The following ZEB1 variants were observed in gnomAD, a reference collection of about 807,000 sequenced individuals.
ZEB1 encodes zinc finger E-box-binding homeobox 1.
ZEB1 carries 21 observed loss-of-function variants against 84.9 expected under a neutral mutation model. The ratio of observed to expected loss-of-function variants is 0.25; its 90% CI spans 0.18 to 0.36. The LOEUF is 0.36. Among genes scored for constraint, ZEB1 ranks in the 10% least tolerant of loss-of-function variants. The pLI, the probability that ZEB1 is intolerant of heterozygous loss-of-function variation, is 1.00. For synonymous variants in ZEB1, 420 were observed against 471.1 expected, an observed-to-expected ratio of 0.89 and a Z score of 1.41; for missense variants, 1,104 against 1,330.2, an observed-to-expected ratio of 0.83 and a Z score of 2.65.
chr10:31,344,559 T>C (rs1348054997), intron 1 of ZEB1, among the ~76,000 whole-genome samples: 2 of 152,140 alleles, frequency 1.3e-5, no homozygotes, highest in South Asian at 2.1e-4. Flanking sequence ...CAGAAACTAT[T>C]GTATCCTTAC....
chr10:31,497,060 T>C (rs1159434479), intron 3 of ZEB1, among the ~76,000 whole-genome samples: 1 of 152,138 alleles, frequency 6.6e-6, no homozygotes, highest in Non-Finnish European at 1.5e-5. Flanking sequence ...GAATAATGTA[T>C]TCAGATATGC....
chr10:31,416,574 C>G (rs938588430), intron 1 of ZEB1, among the ~76,000 whole-genome samples: 2 of 152,050 alleles, frequency 1.3e-5, no homozygotes, highest in African/African-American at 2.4e-5. Flanking sequence ...ATCCTCAACT[C>G]TTTAGTCATT....
At chr10:31,401,754 T>A (rs574343113) in intron 1 of ZEB1, among the ~76,000 whole-genome samples, 1 of 152,264 alleles carries the variant, frequency 6.6e-6, no homozygotes, top group South Asian at 2.1e-4. Context: ...TCGTGCTAGG[T>A]TTTTAAGCTT....
rs771563761 is a variant in ZEB1 at position 31,521,384 on chromosome 10, G to T, written c.2052G>T (p.Met684Ile). ...STVNLQSPLK[M>I]TNSPVLPVGS... The stretch of plus-strand genomic sequence containing the variant: ...TAAATCTACAAAGTCCTTTGAAGAT[G>T]ACTAACTCCCCAGTTTTACCAGTGG... Residue 684 changes from methionine (M) to isoleucine (I), a missense_variant, in exon 7 of 9, where the codon ATG becomes ATT. Transcript: ENST00000424869. The T allele has an allele frequency of 1.4e-5, 22 of 1,613,946 alleles. No homozygotes were observed. Among genetic ancestry groups the T allele is most frequent in the Non-Finnish European group, 1.9e-5 (22 of 1,180,012 alleles).
rs3086583 is a variant in ZEB1 at position 31,527,412 on chromosome 10, AACACACACACACACAC to A, written c.*174_*189del. 447 of 515,742 alleles carry A rather than the reference AACACACACACACACAC, an allele frequency of 8.7e-4. No homozygotes were observed. The East Asian group carries it at 9.8e-3, about 11-fold the overall frequency. 31.9% of individuals were successfully genotyped at this position (515,742 alleles called of 1,614,324 possible). On this transcript the variant is annotated 3_prime_UTR_variant, in exon 9 of 9. Transcript: ENST00000424869. ...AAAACTAAAAAAATACAAAATACAA[AACACACACACACACAC>A]ACACACACACACACACACACACACA...
intron 2 of ZEB1, among the ~76,000 whole-genome samples, chr10:31,476,994 C>G (rs780201733): frequency 2.9e-4 from 44 of 152,014 alleles, no homozygotes; most frequent in Non-Finnish European, 5.0e-4. Flanking sequence ...ACCCTAAGAA[C>G]TGGAACAAGA....
intron 1 of ZEB1, among the ~76,000 whole-genome samples, chr10:31,454,685 C>T (rs1352712999): frequency 6.6e-6 from 1 of 152,040 alleles, no homozygotes; most frequent in Non-Finnish European, 1.5e-5. Context: ...AATAAAGTAC[C>T]TAGGAATACA....
At chr10:31,362,024 C>T (rs1234652174) in intron 1 of ZEB1, among the ~76,000 whole-genome samples, 16 of 149,984 alleles carry the variant, frequency 1.1e-4, no homozygotes, top group Admixed American at 1.3e-4. Flanking sequence ...AGGCACTCCT[C>T]GCTTCGCAGA....
intron 3 of ZEB1, among the ~76,000 whole-genome samples, chr10:31,499,680 G>T (rs1006020299): frequency 6.6e-6 from 1 of 151,962 alleles, no homozygotes; most frequent in Non-Finnish European, 1.5e-5. Context: ...CGGGAGAATC[G>T]CTTGGACCCA....
intron 2 of ZEB1, among the ~76,000 whole-genome samples, chr10:31,476,355 C>A (rs918387950): frequency 5.3e-5 from 8 of 151,742 alleles, no homozygotes; most frequent in Non-Finnish European, 7.4e-5. Context: ...AACTAGATAA[C>A]CTAGAAGAAA....
At chr10:31,333,430 T>G (rs2037244613) in intron 1 of ZEB1, among the ~76,000 whole-genome samples, 1 of 152,064 alleles carries the variant, frequency 6.6e-6, no homozygotes. Context: ...CAAGAAGTGG[T>G]AAATATGTTT....
intron 2 of ZEB1, among the ~76,000 whole-genome samples, chr10:31,495,160 A>G (rs1432931263): frequency 6.6e-6 from 1 of 152,032 alleles, no homozygotes; most frequent in African/African-American, 2.4e-5. Flanking sequence ...TCTTTGGGCA[A>G]GTTATTTAAC....
intron 1 of ZEB1, among the ~76,000 whole-genome samples, chr10:31,354,467 G>T (rs1045429606): frequency 6.6e-6 from 1 of 152,048 alleles, no homozygotes; most frequent in African/African-American, 2.4e-5. Flanking sequence ...CACTTTTCTT[G>T]GGGGAGGAGG....
At chr10:31,416,237 G>A (rs1005978920) in intron 1 of ZEB1, among the ~76,000 whole-genome samples, 5 of 151,930 alleles carry the variant, frequency 3.3e-5, no homozygotes, top group Non-Finnish European at 7.4e-5. Context: ...TAGGAAAGAC[G>A]ATTTAGTTCT....
At chr10:31,369,377 C>T (rs1412677366) in intron 1 of ZEB1, among the ~76,000 whole-genome samples, 1 of 152,192 alleles carries the variant, frequency 6.6e-6, no homozygotes, top group Admixed American at 6.5e-5. Context: ...CTACCCTAGC[C>T]TCTGGTAACC....
At chr10:31,433,511 C>T (rs2057963218) in intron 1 of ZEB1, among the ~76,000 whole-genome samples, 1 of 152,148 alleles carries the variant, frequency 6.6e-6, no homozygotes, top group Admixed American at 6.5e-5. Flanking sequence ...GTTGGTTATT[C>T]TTTCAAGTTA....
chr10:31,392,498 G>T (rs2049934178), intron 1 of ZEB1, among the ~76,000 whole-genome samples: 1 of 152,012 alleles, frequency 6.6e-6, no homozygotes, highest in Non-Finnish European at 1.5e-5. Context: ...AGGTCTTTTT[G>T]ATCATAAGAT....
At chr10:31,482,288 G>A (rs1392787198) in intron 2 of ZEB1, among the ~76,000 whole-genome samples, 5 of 151,966 alleles carry the variant, frequency 3.3e-5, no homozygotes, top group Admixed American at 3.3e-4. Flanking sequence ...TCCAAGTTGA[G>A]GGGCATATGA....
chr10:31,495,510 T>C (rs1470750580), intron 2 of ZEB1, among the ~76,000 whole-genome samples: 2 of 152,058 alleles, frequency 1.3e-5, no homozygotes, highest in Non-Finnish European at 2.9e-5. Context: ...AAGGAAAAAA[T>C]CCAAATTAAA....
Sources: gnomAD v4.1 joint callset for allele counts (sites outside exome capture counted in the v4.1 genomes callset) on GRCh38, gnomAD v4.1.1 for gene constraint, MANE v1.5 for transcripts, NCBI Gene and HGNC (gene_info 2026-07-23, HGNC 2026-07-21) for gene names.